ADAMTSL3: variants seen among roughly 807,000 people sequenced by gnomAD.
ADAMTSL3 encodes the protein ADAMTS-like protein 3.
ADAMTSL3 carries 128 observed loss-of-function variants against 201.7 expected under a neutral mutation model. The ratio of observed to expected loss-of-function variants is 0.63; its 90% confidence interval spans 0.55 to 0.73. ADAMTSL3 has a LOEUF of 0.73. Ranked by LOEUF, ADAMTSL3 falls within the 30% of genes least tolerant of loss-of-function variation. ADAMTSL3 has a pLI of 0.00. For synonymous variants in ADAMTSL3, 738 were observed against 748.4 expected, an observed-to-expected ratio of 0.99 and a Z score of 0.23; for missense variants, 1,990 against 2,119.6, an observed-to-expected ratio of 0.94 and a Z score of 1.20.
At chr15:83,921,685 A>G (rs1166603881) in intron 16 of ADAMTSL3, among the ~76,000 whole-genome samples, 1 of 152,138 alleles carries the variant, frequency 6.6e-6, no homozygotes, top group Non-Finnish European at 1.5e-5. Flanking sequence ...ATGAAGGATA[A>G]AAAATATGTA....
chr15:84,031,396 A>C lies in ADAMTSL3; in HGVS notation c.4718A>C (p.His1573Pro), dbSNP rs758815594. Residue 1573 changes from histidine to proline, a missense_variant, in exon 28 of 30, where the codon CAC (histidine) becomes CCC (proline). His to Pro is a moderately conservative substitution (Grantham distance 77). Coordinates refer to ENST00000286744, the MANE Select transcript of ADAMTSL3 (RefSeq NM_207517.3). The stretch of plus-strand genomic sequence containing the variant: ...CAGCAGCGTCACACAGCTTGTCAAC[A>C]CAACAGCTCTGACTCCAACTGTGAT... ...RMQQRHTACQHNSSDSNCDDR... is the reference protein window; with the variant it reads ...RMQQRHTACQPNSSDSNCDDR... 8.2e-5 allele frequency: 132 copies of C among 1,613,978 alleles called. 1 individual carries two copies. Among genetic ancestry groups the C allele is most frequent in the Non-Finnish European group, 1.1e-4 (131 of 1,180,014 alleles).
chr15:83,682,680 G>T (rs930254703), intron 2 of ADAMTSL3, among the ~76,000 whole-genome samples: 3 of 152,206 alleles, frequency 2.0e-5, no homozygotes, highest in Non-Finnish European at 4.4e-5. Flanking sequence ...AAGGAAGCAT[G>T]ATAGTGCCGT....
intron 6 of ADAMTSL3, among the ~76,000 whole-genome samples, chr15:83,823,207 A>T (rs868262723): frequency 1.6e-5 from 1 of 63,010 alleles, no homozygotes; most frequent in Non-Finnish European, 2.9e-5. Context: ...AGGGTGAGGG[A>T]GAGGGTGAGG....
At chr15:83,721,399 C>T (rs1349063426) in intron 3 of ADAMTSL3, among the ~76,000 whole-genome samples, 2 of 152,162 alleles carry the variant, frequency 1.3e-5, no homozygotes, top group African/African-American at 2.4e-5. Flanking sequence ...AGTGTTGGAC[C>T]TCACAGTCAC....
In ADAMTSL3 at chr15:83,885,112, T is replaced by C. The variant is rs762617213; in HGVS notation, c.972T>C (p.Thr324=). The change falls in exon 10 of 30, where the codon ACT becomes ACC. Residue 324 remains threonine, a synonymous_variant. Transcript: ENST00000286744. ...MADFIFKTRY[T]AAKDSVVQFF... ...TTCTCTTTGTCCAGACCAGGTACAC[T>C]GCAGCCAAAGACAGCGTGGTTCAGT... 1 of 1,613,912 alleles carries C rather than the reference T, an allele frequency of 6.2e-7. No homozygotes were observed. The highest frequency in any genetic ancestry group is 8.5e-7 in the Non-Finnish European group (1 of 1,179,826).
In ADAMTSL3 at chr15:84,014,454, G is replaced by A. The variant is rs2068054624; in HGVS notation, c.3974-88G>A. 4.7e-6 allele frequency: 6 copies of A among 1,270,712 alleles called. No individual in the cohort carries two copies. The East Asian group carries it at 1.4e-4, about 30-fold the overall frequency. The allele number at this position is 1,270,712 out of a possible 1,614,324, so 78.7% of individuals were successfully genotyped here. A position where few individuals can be genotyped will look rare whatever the true frequency, so the allele number is the denominator to read the frequency against. ...GATTAAACCCATATGCTGACTTACG[G>A]TCAAAACAGTGAATGGTATTTGTCA... On this transcript the variant is annotated intron_variant, in intron 23 of 29. Transcript: ENST00000286744.
At chr15:84,002,904 A>G (rs1486728664) in intron 23 of ADAMTSL3, among the ~76,000 whole-genome samples, 1 of 142,722 alleles carries the variant, frequency 7.0e-6, no homozygotes, top group Non-Finnish European at 1.5e-5. Flanking sequence ...CACCTCCATA[A>G]TCTCTCTTTT....
chr15:83,956,834 T>G (rs768258626), intron 19 of ADAMTSL3, among the ~76,000 whole-genome samples: 8 of 152,176 alleles, frequency 5.3e-5, no homozygotes, highest in East Asian at 1.9e-4. Context: ...TATAAAAGCT[T>G]CTTCTACTCT....
Position 84,014,716 on chromosome 15 carries a change from A to C in ADAMTSL3, c.4148A>C (p.His1383Pro). 3.7e-6 allele frequency: 6 copies of C among 1,610,192 alleles called. No homozygotes were observed. Among genetic ancestry groups the C allele is most frequent in the Non-Finnish European group, 5.1e-6 (6 of 1,178,806 alleles). Reference protein sequence around the residue: ...LGKAVATSVLHLLERRWPESR... With the variant: ...LGKAVATSVLPLLERRWPESR... The stretch of plus-strand genomic sequence containing the variant: ...AAGGCAGTGGCAACATCTGTACTCC[A>C]CTTGCTGGGTAAGTGTCAAATTCTT... Residue 1383 changes from histidine (H) to proline (P), a missense_variant, in exon 24 of 30, where the codon CAC (histidine) becomes CCC (proline). Physicochemically the swap from His to Pro is moderately conservative, Grantham distance 77. Transcript: ENST00000286744.
In ADAMTSL3 at chr15:83,931,289, A is replaced by G. The variant is rs1431048520; in HGVS notation, c.2117+7256A>G. 2.0e-5 allele frequency among the ~76,000 whole-genome samples: 3 copies of G among 152,232 alleles called. No homozygotes were observed. The East Asian group carries it at 5.8e-4, about 29-fold the overall frequency. On this transcript the variant is annotated intron_variant, in intron 17 of 29. Transcript: ENST00000286744. The stretch of plus-strand genomic sequence containing the variant: ...TGTTACCTATTTCTTGATATAAAAA[A>G]CAATTCTTTATTGAGTTCATTGTCT...
intron 19 of ADAMTSL3, among the ~76,000 whole-genome samples, chr15:83,968,564 G>A (rs899417796): frequency 2.0e-5 from 3 of 152,180 alleles, no homozygotes; most frequent in African/African-American, 7.2e-5. Context: ...ACTGTTGGTG[G>A]GAGTGTAAAT....
chr15:83,861,285 G>A (rs958267105), intron 8 of ADAMTSL3, among the ~76,000 whole-genome samples: 1 of 152,206 alleles, frequency 6.6e-6, no homozygotes, highest in Non-Finnish European at 1.5e-5. Context: ...GCTTTGAAGA[G>A]AGTAGTGGTT....
chr15:84,005,385 G>T (rs1306349577), intron 23 of ADAMTSL3, among the ~76,000 whole-genome samples: 1 of 152,222 alleles, frequency 6.6e-6, no homozygotes, highest in Non-Finnish European at 1.5e-5. Context: ...TTGAGCTGCT[G>T]TTTAGGAGTT....
intron 23 of ADAMTSL3, among the ~76,000 whole-genome samples, chr15:83,997,402 A>G (rs2067707127): frequency 6.6e-6 from 1 of 152,146 alleles, no homozygotes; most frequent in African/African-American, 2.4e-5. Context: ...AGCCTGGCCA[A>G]TATGATGAAA....
intron 4 of ADAMTSL3, among the ~76,000 whole-genome samples, chr15:83,802,473 TAAAC>T (rs1487107279): frequency 2.0e-5 from 3 of 152,140 alleles, no homozygotes; most frequent in Non-Finnish European, 2.9e-5. Context: ...GGTGAATGAA[TAAAC>T]AAACAGTTGT....
At chr15:84,006,380 A>G (rs1414525861) in intron 23 of ADAMTSL3, among the ~76,000 whole-genome samples, 2 of 152,196 alleles carry the variant, frequency 1.3e-5, no homozygotes, top group African/African-American at 4.8e-5. Context: ...AAATATAGGT[A>G]TAATATATAT....
Position 83,923,943 on chromosome 15 carries a change from C to A in ADAMTSL3, c.2027C>A (p.Thr676Asn). The change falls in exon 17 of 30, where the codon ACC (threonine) becomes AAC (asparagine). Residue 676 changes from threonine (T) to asparagine (N), a missense_variant. Physicochemically the swap from Thr to Asn is moderately conservative, Grantham distance 65. Transcript: ENST00000286744. Reference protein sequence around the residue: ...EAIAVCLHIQTQQTVNDSLCD... With the variant: ...EAIAVCLHIQNQQTVNDSLCD... ...ATAGCAGTGTGCTTACATATCCAGACCCAGCAGACAGTCAATGACAGCTTG... is the reference window on the plus strand; with the variant it reads ...ATAGCAGTGTGCTTACATATCCAGAACCAGCAGACAGTCAATGACAGCTTG... The A allele has an allele frequency of 1.2e-6, 2 of 1,614,170 alleles. No homozygotes were observed. Among genetic ancestry groups the A allele is most frequent in the Non-Finnish European group, 1.7e-6 (2 of 1,179,998 alleles).
chr15:83,903,920 A>AGG (rs1329970127), intron 15 of ADAMTSL3, among the ~76,000 whole-genome samples: 2,232 of 58,590 alleles, frequency 0.038, 411 homozygotes, highest in East Asian at 0.13. Flanking sequence ...TCCACATCAA[A>AGG]AAAAAAAAAA....
chr15:83,677,512 C>G (rs997613202), intron 2 of ADAMTSL3, among the ~76,000 whole-genome samples: 17 of 151,644 alleles, frequency 1.1e-4, no homozygotes, highest in African/African-American at 3.6e-4. Context: ...GAACTTTGCT[C>G]TATGTCTCCG....
Sources: gnomAD v4.1 joint callset for allele counts (sites outside exome capture counted in the v4.1 genomes callset) on GRCh38, gnomAD v4.1.1 for gene constraint, MANE v1.5 for transcripts, NCBI Gene and HGNC (gene_info 2026-07-23, HGNC 2026-07-21) for gene names.